The following HEPHL1 variants were observed in gnomAD, a reference collection of about 807,000 sequenced individuals.
HEPHL1 encodes the protein ferroxidase HEPHL1.
In HEPHL1, 123 loss-of-function variants were observed where a neutral mutation model predicts 122.0. The ratio of observed to expected loss-of-function variants is 1.01; its 90% CI spans 0.87 to 1.17. The LOEUF is 1.17. Ranked by LOEUF, HEPHL1 falls within the 50% of genes most tolerant of loss-of-function variation. The pLI is 0.00. For synonymous variants in HEPHL1, 527 were observed against 508.9 expected (o/e 1.04, Z -0.48); for missense variants, 1,452 against 1,430.5 (o/e 1.01, Z -0.24).
rs775680244 is a variant in HEPHL1, at chr11:94,082,481, T to G, written c.1780T>G (p.Phe594Val). The change falls in exon 10 of 20, where the codon TTT becomes GTT. Residue 594 changes from phenylalanine to valine, a missense_variant. Phe to Val is a conservative substitution (Grantham distance 50). Transcript: ENST00000315765. ...TVFDENLSRY[F>V]DENIQKFIWH... ...CTTTGATGAGAATCTGAGCAGATAT[T>G]TTGATGAAAACATTCAGAAGTTTAT... 10 of 1,612,770 alleles carry G rather than the reference T, an allele frequency of 6.2e-6. No individual in the cohort carries two copies. Among genetic ancestry groups the G allele is most frequent in the Admixed American group, 1.7e-5 (1 of 59,970 alleles).
intron 12 of HEPHL1, among the ~76,000 whole-genome samples, chr11:94,093,212 C>A (rs1016782472): frequency 6.6e-6 from 1 of 152,008 alleles, no homozygotes; most frequent in Non-Finnish European, 1.5e-5. Context: ...ACTTAGGAGT[C>A]TCTGAGGTTG....
chr11:94,030,269 G>T (rs1233849010), intron 1 of HEPHL1, among the ~76,000 whole-genome samples: 1 of 152,218 alleles, frequency 6.6e-6, no homozygotes, highest in Non-Finnish European at 1.5e-5. Context: ...TTATTAGCAA[G>T]CTTGGGGATG....
intron 13 of HEPHL1, among the ~76,000 whole-genome samples, chr11:94,099,459 C>G (rs1046799067): frequency 2.0e-5 from 3 of 152,200 alleles, no homozygotes; most frequent in East Asian, 1.9e-4. Context: ...ACTTGGGTGT[C>G]AGGGACCCAC....
intron 1 of HEPHL1, among the ~76,000 whole-genome samples, chr11:94,037,606 G>T (rs1413938820): frequency 6.6e-6 from 1 of 152,182 alleles, no homozygotes; most frequent in East Asian, 1.9e-4. Context: ...CCCAACAGGG[G>T]CATACTGACA....
chr11:94,068,975 C>A (rs1946055037), intron 5 of HEPHL1, among the ~76,000 whole-genome samples: 1 of 152,130 alleles, frequency 6.6e-6, no homozygotes, highest in African/African-American at 2.4e-5. Context: ...CATTAGTCAA[C>A]TGCAGTATCC....
intron 2 of HEPHL1, among the ~76,000 whole-genome samples, chr11:94,051,834 TC>T (rs1945892362): frequency 6.6e-6 from 1 of 152,110 alleles, no homozygotes; most frequent in African/African-American, 2.4e-5. Context: ...GAGATAGGAG[TC>T]TAGTTTTATT....
At position 94,073,105 on chromosome 11, in the gene HEPHL1, A is replaced by C; in HGVS notation, c.1313A>C (p.Asp438Ala). 6.2e-7 allele frequency: 1 copy of C among 1,613,198 alleles called. No individual in the cohort carries two copies. Among genetic ancestry groups the C allele is most frequent in the Non-Finnish European group, 8.5e-7 (1 of 1,179,474 alleles). ...AAGGTTCGGTATACTGAATTTGTTG[A>C]TGCAACTTTTACTAAAAGAAAGAGA... ...YWKVRYTEFVDATFTKRKRLS... is the reference protein window; with the variant it reads ...YWKVRYTEFVAATFTKRKRLS... The change falls in exon 7 of 20, where the codon GAT becomes GCT. Residue 438 changes from aspartate to alanine, a missense_variant. Transcript: ENST00000315765.
rs183813405 is a variant in HEPHL1 at position 94,067,654 on chromosome 11, G to A, written c.967G>A (p.Val323Ile). 66 of 1,613,676 alleles carry A rather than the reference G, an allele frequency of 4.1e-5. No homozygotes were observed. Among genetic ancestry groups the A allele is most frequent in the Admixed American group, 2.2e-4 (13 of 60,002 alleles). Residue 323 changes from valine to isoleucine, a missense_variant, in exon 5 of 20, where the codon GTC becomes ATC. Coordinates refer to ENST00000315765, the MANE Select transcript of HEPHL1 (RefSeq NM_001098672.2). ...CAGCAGAGGGCATCGGACTGATGTC[G>A]TCAACCTGTTCCCAGCCACCTTCCT... Reference protein sequence around the residue: ...FISRGHRTDVVNLFPATFLTT... With the variant: ...FISRGHRTDVINLFPATFLTT...
intron 2 of HEPHL1, among the ~76,000 whole-genome samples, chr11:94,063,190 C>G (rs376752051): frequency 6.6e-6 from 1 of 152,200 alleles, no homozygotes; most frequent in Non-Finnish European, 1.5e-5. Context: ...GAATTGAAAT[C>G]TTCCTGGTTG....
intron 2 of HEPHL1, among the ~76,000 whole-genome samples, chr11:94,062,177 C>T (rs1456104776): frequency 6.6e-6 from 1 of 152,068 alleles, no homozygotes; most frequent in Non-Finnish European, 1.5e-5. Flanking sequence ...TTGCCAGTAA[C>T]TTTGATGGGA....
chr11:94,040,903 TATTCA>T (rs1168878483), intron 1 of HEPHL1, among the ~76,000 whole-genome samples: 1 of 97,454 alleles, frequency 1.0e-5, no homozygotes, highest in Non-Finnish European at 2.1e-5. Context: ...AAATAAAGGG[TATTCA>T]ATTAGGAAAA....
rs16912509 is a variant in HEPHL1, at chr11:94,089,031, T to A, written c.2294+63T>A. On this transcript the variant is annotated intron_variant, in intron 12 of 19. Coordinates refer to ENST00000315765, the MANE Select transcript of HEPHL1 (RefSeq NM_001098672.2). ...TCGCGCATGCTCCGTAGGTCTTTAG[T>A]AAGTGTGGCTCCCTGCAAATTCCCA... 2.4e-3 allele frequency: 3,379 copies of A among 1,414,858 alleles called. 75 individuals are homozygous for A. In the African/African-American group the frequency reaches 0.043, roughly 18 times the overall value. 87.6% of individuals were successfully genotyped at this position (1,414,858 alleles called of 1,614,324 possible).
At chr11:94,064,263 T>G (rs1946014378) in intron 3 of HEPHL1, 68 bp from the exon 4 acceptor site, 1 of 1,239,926 alleles carries the variant, frequency 8.1e-7, no homozygotes, top group Admixed American at 2.0e-5. Context: ...TGCCTGACAC[T>G]ATTGGAAGGA....
chr11:94,084,374 A>AT (rs1946199330), intron 10 of HEPHL1, among the ~76,000 whole-genome samples: 2 of 150,532 alleles, frequency 1.3e-5, no homozygotes, highest in Non-Finnish European at 1.5e-5. Context: ...ATAAATAAAT[A>AT]AATATATAAA....
In HEPHL1 at chr11:94,063,009, G is replaced by C. The variant is rs144130561; in HGVS notation, c.416-499G>C. Among the ~76,000 whole-genome samples the C allele has an allele frequency of 5.0e-3, 760 of 152,188 alleles. 3 individuals are homozygous for C. The highest frequency in any genetic ancestry group is 8.8e-3 in the Non-Finnish European group (598 of 68,004). ...ATGTGTTTAATACGTATTCTAGTCT[G>C]CCCAACAGAACTATATGATCCCCAG... On this transcript the variant is annotated intron_variant, in intron 2 of 19. Coordinates refer to ENST00000315765, the MANE Select transcript of HEPHL1 (RefSeq NM_001098672.2).
At position 94,111,079 on chromosome 11, in the gene HEPHL1, T is replaced by C; in HGVS notation, c.3208+14T>C. 1 of 1,553,356 alleles carries C rather than the reference T, an allele frequency of 6.4e-7. No individual in the cohort carries two copies. Among genetic ancestry groups the C allele is most frequent in the Non-Finnish European group, 8.7e-7 (1 of 1,144,608 alleles). On this transcript the variant is annotated intron_variant, in intron 18 of 19. Transcript: ENST00000315765. ...TTCGTAACATAGGTACGGTTGTCTG[T>C]CAGTGATGCCAGATGATGGCACCGA...
At position 94,024,839 on chromosome 11, in the gene HEPHL1, C is replaced by G. The variant is rs74944498; in HGVS notation, c.170+3301C>G. Reference sequence around the variant, plus strand: ...TTTTGGCGTATATTCAATAATCCCCCTTCCCTGCACGGAACTTTGTCATTG... The same window carrying G: ...TTTTGGCGTATATTCAATAATCCCCGTTCCCTGCACGGAACTTTGTCATTG... On this transcript the variant is annotated intron_variant, in intron 1 of 19. Transcript: ENST00000315765. Among the ~76,000 whole-genome samples, 725 of 152,264 alleles carry G rather than the reference C, an allele frequency of 4.8e-3. 4 individuals are homozygous for G. Among genetic ancestry groups the G allele is most frequent in the African/African-American group, 0.017 (696 of 41,570 alleles).
At chr11:94,055,697 A>C (rs1408902774) in intron 2 of HEPHL1, 6 of 385,920 alleles carry the variant, frequency 1.6e-5, no homozygotes, top group Admixed American at 6.7e-5. Flanking sequence ...AAGACAATGC[A>C]CTCTGTGATC....
intron 1 of HEPHL1, among the ~76,000 whole-genome samples, chr11:94,037,739 C>G (rs540200268): frequency 6.6e-6 from 1 of 151,744 alleles, no homozygotes; most frequent in Non-Finnish European, 1.5e-5. Flanking sequence ...TCATCAAAGA[C>G]GAAAAGTAGA....
Sources: gnomAD v4.1 joint callset for allele counts (sites outside exome capture counted in the v4.1 genomes callset) on GRCh38, gnomAD v4.1.1 for gene constraint, MANE v1.5 for transcripts, NCBI Gene and HGNC (gene_info 2026-07-23, HGNC 2026-07-21) for gene names.